ADCY5: variants seen among roughly 807,000 people sequenced by gnomAD.
ADCY5 encodes adenylate cyclase type 5.
In ADCY5, 30 loss-of-function variants were observed where a neutral mutation model predicts 119.7. That is an observed-to-expected ratio of 0.25 (90% CI 0.19 to 0.34). The LOEUF (loss-of-function observed/expected upper bound fraction) is 0.34. ADCY5 is among the 10% of genes least tolerant of loss of function. ADCY5 has a pLI of 1.00. For synonymous variants in ADCY5, 753 were observed against 762.2 expected (o/e 0.99, Z 0.20); for missense variants, 1,324 against 1,775.2 (o/e 0.75, Z 4.57).
chr3:123,370,914 G>C (rs2107531169), intron 1 of ADCY5, among the ~76,000 whole-genome samples: 1 of 152,292 alleles, frequency 6.6e-6, no homozygotes, highest in African/African-American at 2.4e-5. Flanking sequence ...AAAGCCAAGG[G>C]AAGGCAGGAT....
At position 123,448,292 on chromosome 3, in the gene ADCY5, C is replaced by T; in HGVS notation, c.254G>A (p.Gly85Asp). Residue 85 changes from glycine to aspartate, a missense_variant, in exon 1 of 21, where the codon GGT becomes GAT. By Grantham distance (94) the Gly-to-Asp change is moderately conservative. This residue lies in a region of ADCY5 where 585 missense variants were observed against 569.9 expected (regional missense o/e 1.03). Coordinates refer to ENST00000462833, the MANE Select transcript of ADCY5 (RefSeq NM_183357.3). ...SDDDDDPPLS[G>D]DDPLAGGFGF... is the part of the protein sequence containing the mutation. ...GAAGCCCCCGGCCAGGGGGTCGTCA[C>T]CGCTCAGCGGAGGATCGTCGTCGTC... The T allele has an allele frequency of 6.5e-7, 1 of 1,534,302 alleles. No homozygotes were observed. Among genetic ancestry groups the T allele is most frequent in the Non-Finnish European group, 8.7e-7 (1 of 1,150,924 alleles).
At chr3:123,428,613 G>A (rs546233730) in intron 1 of ADCY5, among the ~76,000 whole-genome samples, 70 of 152,266 alleles carry the variant, frequency 4.6e-4, no homozygotes, top group Non-Finnish European at 4.9e-4. Context: ...AGTGAACATA[G>A]AAACTTCTGT....
intron 3 of ADCY5, among the ~76,000 whole-genome samples, chr3:123,346,249 C>A (rs968962202): frequency 1.3e-5 from 2 of 152,238 alleles, no homozygotes; most frequent in African/African-American, 4.8e-5. Context: ...GGAAGTCCGG[C>A]CACCAACTCC....
chr3:123,317,988 G>GCTTC, intron 11 of ADCY5, 32 bp downstream of exon 11: 1 of 1,587,494 alleles, frequency 6.3e-7, no homozygotes, highest in Non-Finnish European at 8.6e-7. Context: ...TGCAGCCAGA[G>GCTTC]GAAGGAGCCC....
chr3:123,335,386 T>C (rs950034066), intron 3 of ADCY5, among the ~76,000 whole-genome samples: 2 of 152,214 alleles, frequency 1.3e-5, no homozygotes, highest in South Asian at 4.1e-4. Flanking sequence ...ACGTACATTT[T>C]AAAACAGTCA....
At chr3:123,428,609 C>A (rs1456657187) in intron 1 of ADCY5, among the ~76,000 whole-genome samples, 1 of 152,204 alleles carries the variant, frequency 6.6e-6, no homozygotes, top group Non-Finnish European at 1.5e-5. Context: ...GTGCAGTGAA[C>A]ATAGAAACTT....
At chr3:123,396,463 CAAAG>C (rs534442067) in intron 1 of ADCY5, among the ~76,000 whole-genome samples, 1,598 of 71,826 alleles carry the variant, frequency 0.022, 17 homozygotes, top group Non-Finnish European at 0.028. Flanking sequence ...GGGAAGGAGA[CAAAG>C]AAAGAAAGAA....
intron 1 of ADCY5, among the ~76,000 whole-genome samples, chr3:123,415,270 G>A (rs1323667019): frequency 4.6e-5 from 7 of 152,218 alleles, no homozygotes; most frequent in African/African-American, 1.7e-4. Flanking sequence ...GGGACCAGGG[G>A]ACAGGGTGGA....
intron 1 of ADCY5, among the ~76,000 whole-genome samples, chr3:123,383,195 C>A (rs1944089581): frequency 1.3e-5 from 2 of 152,128 alleles, no homozygotes; most frequent in Admixed American, 1.3e-4. Flanking sequence ...GCAGCCCAGG[C>A]CGTAGGGAGG....
At chr3:123,435,405 G>A (rs1489139416) in intron 1 of ADCY5, among the ~76,000 whole-genome samples, 1 of 152,202 alleles carries the variant, frequency 6.6e-6, no homozygotes, top group Non-Finnish European at 1.5e-5. Flanking sequence ...GAGAAATGCT[G>A]AAGAGAGACT....
chr3:123,383,367 G>A (rs1051371716), intron 1 of ADCY5, among the ~76,000 whole-genome samples: 3 of 152,212 alleles, frequency 2.0e-5, no homozygotes, highest in African/African-American at 7.2e-5. Context: ...TGTGAAGTAC[G>A]TCCCTGTGGC....
chr3:123,424,722 G>T (rs1012516870), intron 1 of ADCY5, among the ~76,000 whole-genome samples: 1 of 152,148 alleles, frequency 6.6e-6, no homozygotes, highest in Non-Finnish European at 1.5e-5. Flanking sequence ...AGTACACACT[G>T]GCTTTTCTAA....
chr3:123,348,726 A>G (rs1049936368), intron 2 of ADCY5, among the ~76,000 whole-genome samples: 2 of 152,112 alleles, frequency 1.3e-5, no homozygotes, highest in Non-Finnish European at 2.9e-5. Flanking sequence ...AGTCTGGACT[A>G]TGCTCTCTTT....
chr3:123,294,860 C>T (rs757945623), intron 17 of ADCY5, among the ~76,000 whole-genome samples: 34 of 152,180 alleles, frequency 2.2e-4, no homozygotes, highest in Non-Finnish European at 3.4e-4. Flanking sequence ...TCAGAAAATA[C>T]ATATGGCGGT....
chr3:123,285,684 C>T (rs572450862), intron 20 of ADCY5, among the ~76,000 whole-genome samples: 23 of 152,328 alleles, frequency 1.5e-4, no homozygotes, highest in African/African-American at 5.3e-4. Flanking sequence ...ATTATGGTGG[C>T]TGCTCAGAGA....
chr3:123,435,915 G>C (rs554823155), intron 1 of ADCY5, among the ~76,000 whole-genome samples: 166 of 146,118 alleles, frequency 1.1e-3, no homozygotes, highest in African/African-American at 4.1e-3. Flanking sequence ...TTCTGAGATG[G>C]AGTCTTGCTC....
rs541595835 is a variant in ADCY5, at chr3:123,341,677, AT to A, written c.1406+6104del. 1.9e-3 allele frequency among the ~76,000 whole-genome samples: 276 copies of A among 149,094 alleles called. 1 individual carries two copies. Among genetic ancestry groups the A allele is most frequent in the African/African-American group, 4.8e-3 (197 of 40,820 alleles). ...TTATCACAACTAAAATAATCCATTA[AT>A]TTTTTTTTTTAAAGACCCAACCCTA... On this transcript the variant is annotated intron_variant, in intron 3 of 20. Coordinates refer to ENST00000462833, the MANE Select transcript of ADCY5 (RefSeq NM_183357.3).
At chr3:123,306,888 C>G (rs1180037976) in intron 12 of ADCY5, among the ~76,000 whole-genome samples, 1 of 152,140 alleles carries the variant, frequency 6.6e-6, no homozygotes, top group East Asian at 1.9e-4. Context: ...GTGATATATC[C>G]ATACACTGGA....
chr3:123,371,947 G>A (rs1181656695), intron 1 of ADCY5, among the ~76,000 whole-genome samples: 1 of 152,216 alleles, frequency 6.6e-6, no homozygotes, highest in Non-Finnish European at 1.5e-5. Context: ...CGAAGTCCCT[G>A]GGGTCTGCAG....
Sources: allele counts gnomAD v4.1 joint callset (sites outside exome capture counted in the v4.1 genomes callset), GRCh38; gene constraint gnomAD v4.1.1; regional missense constraint gnomAD v4.1.1; transcripts MANE v1.5; gene names NCBI Gene and HGNC (gene_info 2026-07-23, HGNC 2026-07-21).